The following ZNF713 variants were observed in gnomAD, a reference collection of about 807,000 sequenced individuals.
ZNF713 encodes zinc finger protein 713.
A neutral mutation model predicts 28.7 loss-of-function variants in ZNF713; 21 were observed. The observed-to-expected ratio is 0.73, with a 90% CI of 0.52 to 1.05. The LOEUF is 1.05. ZNF713 is among the 50% of genes least tolerant of loss of function. The pLI is 0.00. For synonymous variants in ZNF713, 167 were observed against 178.0 expected (o/e 0.94, Z 0.49); for missense variants, 458 against 532.4 (o/e 0.86, Z 1.37).
intron 2 of ZNF713, among the ~76,000 whole-genome samples, chr7:55,907,927 G>A (rs2116204297): frequency 6.6e-6 from 1 of 152,202 alleles, no homozygotes; most frequent in East Asian, 1.9e-4. Context: ...ACATACAAGT[G>A]CAGGTGTCTT....
At chr7:55,933,865 C>A (rs1316842119) in intron 6 of ZNF713, among the ~76,000 whole-genome samples, 1 of 152,138 alleles carries the variant, frequency 6.6e-6, no homozygotes, top group East Asian at 1.9e-4. Context: ...CCATCACACC[C>A]AGATAATTTT....
At chr7:55,936,425 T>A (rs1056383312) in intron 6 of ZNF713, among the ~76,000 whole-genome samples, 1 of 152,116 alleles carries the variant, frequency 6.6e-6, no homozygotes, top group African/African-American at 2.4e-5. Context: ...CCCCACCCAG[T>A]TTCCCATGAC....
intron 4 of ZNF713, among the ~76,000 whole-genome samples, chr7:55,917,209 G>C (rs1018832064): frequency 6.8e-6 from 1 of 146,528 alleles, no homozygotes. Context: ...GCAAGACTCT[G>C]CCTCAAAACA....
intron 6 of ZNF713, among the ~76,000 whole-genome samples, chr7:55,933,696 GT>G (rs939703505): frequency 1.4e-4 from 22 of 152,112 alleles, no homozygotes; most frequent in African/African-American, 5.1e-4. Flanking sequence ...TTTTTGTTTT[GT>G]TTTGTTTTTG....
chr7:55,905,234 G>A (rs918326667), intron 1 of ZNF713, among the ~76,000 whole-genome samples: 1 of 152,150 alleles, frequency 6.6e-6, no homozygotes, highest in African/African-American at 2.4e-5. Flanking sequence ...ACTCTGGCTC[G>A]GATCAAAATC....
intron 6 of ZNF713, chr7:55,924,313 G>A (rs1415644213): frequency 1.3e-5 from 2 of 152,260 alleles, no homozygotes; most frequent in African/African-American, 4.8e-5. Flanking sequence ...TGGCTACAAA[G>A]CCAGTTAGGA....
At position 55,933,550 on chromosome 7, in the gene ZNF713, G is replaced by T. The variant is rs148502034; in HGVS notation, c.308-5432G>T. Among the ~76,000 whole-genome samples the T allele has an allele frequency of 4.5e-4, 69 of 152,164 alleles. No individual in the cohort carries two copies. The East Asian group carries it at 0.013, about 28-fold the overall frequency. ...GACCTCAGGTGATCCACCCAACTCG[G>T]CCTCCCAAAGTGCTTGGGATTACAG... On this transcript the variant is annotated intron_variant, in intron 6 of 6. Transcript: ENST00000429591.
At chr7:55,891,610 T>G (rs1294385634) in intron 1 of ZNF713, among the ~76,000 whole-genome samples, 1 of 152,072 alleles carries the variant, frequency 6.6e-6, no homozygotes, top group Non-Finnish European at 1.5e-5. Flanking sequence ...GGAGGAGCTC[T>G]TGAGCCCAGG....
chr7:55,912,963 G>A (rs1260908667), intron 4 of ZNF713, among the ~76,000 whole-genome samples: 1 of 152,150 alleles, frequency 6.6e-6, no homozygotes, highest in African/African-American at 2.4e-5. Flanking sequence ...TCTGGACGCT[G>A]TGAAGAAAAC....
intron 1 of ZNF713, 94 bp downstream of exon 1, chr7:55,887,774 CGGGGGGCGGAGGCGGGGGGCGGAGGCGGG>C (rs1785285298): frequency 1.5e-3 from 1 of 654 alleles, no homozygotes; most frequent in Non-Finnish European, 3.1e-3. Context: ...GGGGCGGAGG[CGGGGGGCGGAGGCGGGGGGCGGAGGCGGG>C]GGGCGGCGGG....
intron 1 of ZNF713, among the ~76,000 whole-genome samples, chr7:55,905,162 A>T (rs1785657114): frequency 6.6e-6 from 1 of 152,186 alleles, no homozygotes; most frequent in African/African-American, 2.4e-5. Context: ...AAGTAGAAAG[A>T]TAGTGAAAAA....
At chr7:55,917,131 G>A (rs996096704) in intron 4 of ZNF713, among the ~76,000 whole-genome samples, 8 of 151,462 alleles carry the variant, frequency 5.3e-5, no homozygotes, top group African/African-American at 9.7e-5. Flanking sequence ...GGAGAATGGC[G>A]TGAACCCGGG....
chr7:55,902,506 C>T (rs1164229538), intron 1 of ZNF713, among the ~76,000 whole-genome samples: 3 of 152,108 alleles, frequency 2.0e-5, no homozygotes, highest in South Asian at 2.1e-4. Flanking sequence ...ATTGTAAAGA[C>T]GAATTTTCAT....
intron 1 of ZNF713, among the ~76,000 whole-genome samples, chr7:55,889,471 T>C (rs954053038): frequency 5.3e-5 from 8 of 152,242 alleles, no homozygotes; most frequent in Admixed American, 1.3e-4. Flanking sequence ...AAAATAATTT[T>C]TTAAAAGGCA....
chr7:55,905,975 G>A (rs960283618), intron 1 of ZNF713, among the ~76,000 whole-genome samples: 2 of 151,786 alleles, frequency 1.3e-5, no homozygotes, highest in Non-Finnish European at 2.9e-5. Context: ...GGTGGTACAC[G>A]CCTGTAGTCC....
rs1786409674 is a variant in ZNF713 at position 55,939,012 on chromosome 7, C to T, written c.338C>T (p.Ser113Leu). 1 of 1,587,468 alleles carries T rather than the reference C, an allele frequency of 6.3e-7. No individual in the cohort carries two copies. The highest frequency in any genetic ancestry group is 1.4e-5 in the African/African-American group (1 of 73,450). Residue 113 changes from serine (S) to leucine (L), a missense_variant, in exon 7 of 7, where the codon TCA becomes TTA. Transcript: ENST00000429591. ...GAAAACAGACCCGAAATCAAAAAGTCAACCACAAGCCAGAATATTTCTGAT... is the reference window on the plus strand; with the variant it reads ...GAAAACAGACCCGAAATCAAAAAGTTAACCACAAGCCAGAATATTTCTGAT... Reference protein sequence around the residue: ...DGENRPEIKKSTTSQNISDEN... With the variant: ...DGENRPEIKKLTTSQNISDEN...
At position 55,928,476 on chromosome 7, in the gene ZNF713, G is replaced by T. The variant is rs959269849; in HGVS notation, c.307+4777G>T. 7.2e-5 allele frequency among the ~76,000 whole-genome samples: 11 copies of T among 152,252 alleles called. No individual in the cohort carries two copies. The East Asian group carries it at 1.7e-3, about 24-fold the overall frequency. On this transcript the variant is annotated intron_variant, in intron 6 of 6. Coordinates refer to ENST00000429591, the MANE Select transcript of ZNF713 (RefSeq NM_182633.3). Reference sequence around the variant, plus strand: ...TCAAAGAAATGGAGGTGTAGAAGAGGTCAGAAAGAGACAGAATGTGAGTAA... The same window carrying T: ...TCAAAGAAATGGAGGTGTAGAAGAGTTCAGAAAGAGACAGAATGTGAGTAA...
intron 1 of ZNF713, among the ~76,000 whole-genome samples, chr7:55,905,252 G>C (rs1402121318): frequency 6.6e-6 from 1 of 152,148 alleles, no homozygotes; most frequent in Non-Finnish European, 1.5e-5. Context: ...ATCACTTGTG[G>C]GGCATTTAAA....
intron 6 of ZNF713, among the ~76,000 whole-genome samples, chr7:55,933,669 G>C (rs1435650617): frequency 6.6e-6 from 1 of 151,950 alleles, no homozygotes. Flanking sequence ...ATAGCTTGTT[G>C]GCCATGCATA....
Sources: allele counts gnomAD v4.1 joint callset (sites outside exome capture counted in the v4.1 genomes callset), GRCh38; gene constraint gnomAD v4.1.1; transcripts MANE v1.5; gene names NCBI Gene and HGNC (gene_info 2026-07-23, HGNC 2026-07-21).